PER2: variants seen among roughly 807,000 people sequenced by gnomAD.
PER2 encodes the protein period circadian protein homolog 2.
A neutral mutation model predicts 121.0 loss-of-function variants in PER2; 66 were observed. The observed-to-expected ratio is 0.55, with a 90% confidence interval of 0.45 to 0.67. PER2 has a LOEUF of 0.67. Among genes scored for constraint, PER2 ranks in the 30% least tolerant of loss-of-function variants. The pLI is 0.00. For missense variants in PER2, 1,521 were observed against 1,635.0 expected, an observed-to-expected ratio of 0.93 and a Z score of 1.20; for synonymous variants, 684 against 659.9, an observed-to-expected ratio of 1.04 and a Z score of -0.56.
At chr2:238,275,093 A>C (rs1171252747) in intron 4 of PER2, among the ~76,000 whole-genome samples, 1 of 152,256 alleles carries the variant, frequency 6.6e-6, no homozygotes, top group Non-Finnish European at 1.5e-5. Flanking sequence ...CTTTGAAACG[A>C]CTGATAATAG....
At chr2:238,248,864 C>CTTT in intron 22 of PER2, 198 bp downstream of exon 22, 1 of 638,942 alleles carries the variant, frequency 1.6e-6, no homozygotes, top group Non-Finnish European at 2.9e-6. Context: ...ACCGTGTTTG[C>CTTT]CAGGATGGTC....
chr2:238,275,908 C>T lies in PER2; in HGVS notation c.294-11G>A. 6.2e-7 allele frequency: 1 copy of T among 1,614,218 alleles called. No individual in the cohort carries two copies. The highest frequency in any genetic ancestry group is 8.5e-7 in the Non-Finnish European group (1 of 1,180,026). On this transcript the variant is annotated splice_polypyrimidine_tract_variant and intron_variant, in intron 3 of 22. Transcript: ENST00000254657. ...GAAGACTGGTCGCTACTGCAGGATTCAAGAAAGAGGCAGCCAAATGTTAGC... is the reference window on the plus strand; with the variant it reads ...GAAGACTGGTCGCTACTGCAGGATTTAAGAAAGAGGCAGCCAAATGTTAGC...
At position 238,259,977 on chromosome 2, in the gene PER2, G is replaced by C. The variant is rs1695877803; in HGVS notation, c.1619C>G (p.Ser540Cys). The change falls in exon 14 of 23, where the codon TCC (serine) becomes TGC (cysteine). Residue 540 changes from serine (S) to cysteine (C), a missense_variant. Coordinates refer to ENST00000254657, the MANE Select transcript of PER2 (RefSeq NM_022817.3). ...SHESGEQKKKSVTEMQTNPPA... is the reference protein window; with the variant it reads ...SHESGEQKKKCVTEMQTNPPA... ...AATATTTTTTTTTTTACCTGTAACG[G>C]ATTTTTTCTTTTGTTCTCCAGATTC... The C allele has an allele frequency of 7.0e-7, 1 of 1,419,516 alleles. No homozygotes were observed. The highest frequency in any genetic ancestry group is 1.7e-5 in the Admixed American group (1 of 57,620). The allele number at this position is 1,419,516 out of a possible 1,614,324, so 87.9% of individuals were successfully genotyped here. A position where few individuals can be genotyped will look rare whatever the true frequency, so the allele number is the denominator to read the frequency against.
Position 238,249,002 on chromosome 2 carries a change from G to A in PER2, c.3618+60C>T, listed in dbSNP as rs769158022. ...ACAGAAAAGTTGCAAAGACAGTACA[G>A]AGAATCCCCATCACAGAGCCTTTTA... On this transcript the variant is annotated intron_variant, in intron 22 of 22. Coordinates refer to ENST00000254657, the MANE Select transcript of PER2 (RefSeq NM_022817.3). The A allele has an allele frequency of 1.6e-5, 24 of 1,546,130 alleles. 1 individual carries two copies. The South Asian group carries it at 2.3e-4, about 15-fold the overall frequency.
At chr2:238,279,723 G>A (rs1174640239) in intron 1 of PER2, among the ~76,000 whole-genome samples, 2 of 152,208 alleles carry the variant, frequency 1.3e-5, no homozygotes, top group Admixed American at 6.5e-5. Flanking sequence ...CTTCCCACCA[G>A]TACCCACGTG....
the PER2 span, among the ~76,000 whole-genome samples, chr2:238,297,965 G>A: frequency 6.6e-6 from 1 of 151,780 alleles, no homozygotes; most frequent in Non-Finnish European, 1.5e-5. Context: ...GCCTCACCTT[G>A]CCTTTTCTTC....
rs751770732 is a variant in PER2, at chr2:238,246,203, CCA to C, written c.*170_*171del. ...TTTCTTTCCGAACTCTCCCCACTCT[CCA>C]CAGTTTTAAGTCGCCCCTTCAGAAA... On this transcript the variant is annotated 3_prime_UTR_variant, in exon 23 of 23. Coordinates refer to ENST00000254657, the MANE Select transcript of PER2 (RefSeq NM_022817.3). The C allele has an allele frequency of 8.3e-4, 371 of 445,642 alleles. 1 individual carries two copies. Among genetic ancestry groups the C allele is most frequent in the Middle Eastern group, 2.4e-3 (4 of 1,684 alleles). The allele number at this position is 445,642 out of a possible 1,614,324, so 27.6% of individuals were successfully genotyped here. A position where few individuals can be genotyped will look rare whatever the true frequency, so the allele number is the denominator to read the frequency against.
Position 238,277,961 on chromosome 2 carries a change from A to T in PER2, c.-19-6T>A. 1 of 1,610,524 alleles carries T rather than the reference A, an allele frequency of 6.2e-7. No individual in the cohort carries two copies. Among genetic ancestry groups the T allele is most frequent in the Non-Finnish European group, 8.5e-7 (1 of 1,178,996 alleles). On this transcript the variant is annotated splice_polypyrimidine_tract_variant and splice_region_variant and intron_variant, in intron 1 of 22. Coordinates refer to ENST00000254657, the MANE Select transcript of PER2 (RefSeq NM_022817.3). The stretch of plus-strand genomic sequence containing the variant: ...TGCTGGGCTCTGGAACGAAGCTGGC[A>T]AACAGAGGGATGCTGTCACGCATTA...
chr2:238,274,345 G>A (rs749772342), intron 4 of PER2, among the ~76,000 whole-genome samples: 2 of 152,226 alleles, frequency 1.3e-5, no homozygotes, highest in Non-Finnish European at 2.9e-5. Flanking sequence ...CTGGGGCTGC[G>A]TTACGAGTCT....
chr2:238,265,414 A>C, intron 9 of PER2, 98 bp downstream of exon 9: 1 of 771,606 alleles, frequency 1.3e-6, no homozygotes, highest in South Asian at 1.5e-5. Context: ...GTTTTTGTCC[A>C]TTATCATGTA....
At chr2:238,283,684 A>T (rs1696696795) in intron 1 of PER2, among the ~76,000 whole-genome samples, 1 of 152,210 alleles carries the variant, frequency 6.6e-6, no homozygotes, top group Non-Finnish European at 1.5e-5. Flanking sequence ...GATCTCACTT[A>T]CACTTCAATG....
At chr2:238,251,909 C>T (rs1025788905) in intron 19 of PER2, 148 bp from the exon 20 acceptor site, 19 of 731,904 alleles carry the variant, frequency 2.6e-5, no homozygotes, top group Middle Eastern at 7.1e-4. Flanking sequence ...GACGGCCTAA[C>T]GAGCAGACCA....
intron 1 of PER2, 137 bp from the exon 2 acceptor site, chr2:238,278,092 C>CTG (rs1292741000): frequency 4.9e-5 from 47 of 968,736 alleles, no homozygotes; most frequent in South Asian, 1.7e-4. Flanking sequence ...CTCTGTCTCT[C>CTG]TCTCTCTCTC....
intron 1 of PER2, among the ~76,000 whole-genome samples, chr2:238,284,309 G>A (rs1038281716): frequency 6.6e-6 from 1 of 152,024 alleles, no homozygotes; most frequent in African/African-American, 2.4e-5. Flanking sequence ...AGGCGTCATG[G>A]TGTGTGCCTG....
At chr2:238,275,657 G>C in intron 4 of PER2, 86 bp downstream of exon 4, 2 of 1,454,222 alleles carry the variant, frequency 1.4e-6, no homozygotes, top group Non-Finnish European at 1.9e-6. Context: ...TCGAGTTTTA[G>C]AAAGTCAACA....
intron 6 of PER2, 82 bp downstream of exon 6, chr2:238,271,230 C>T: frequency 7.9e-7 from 1 of 1,258,490 alleles, no homozygotes; most frequent in Non-Finnish European, 1.2e-6. Flanking sequence ...GGCAGGGCGC[C>T]TGCACCACAT....
chr2:238,244,208 G>A lies in PER2; in HGVS notation c.*2167C>T, dbSNP rs1206684759. 4 of 152,502 alleles carry A rather than the reference G, an allele frequency of 2.6e-5. No individual in the cohort carries two copies. Among genetic ancestry groups the A allele is most frequent in the Admixed American group, 1.3e-4 (2 of 15,270 alleles). The allele number at this position is 152,502 out of a possible 1,614,324, so 9.4% of individuals were successfully genotyped here. A position where few individuals can be genotyped will look rare whatever the true frequency, so the allele number is the denominator to read the frequency against. On this transcript the variant is annotated 3_prime_UTR_variant, in exon 23 of 23. Transcript: ENST00000254657. ...CAACAAATCATCACAGAAACTCTGA[G>A]AGCTTATTTACATATCTCTTCGGGA... is the stretch of plus-strand genomic sequence containing the variant.
Position 238,273,109 on chromosome 2 carries a change from C to T in PER2, c.531G>A (p.Glu177=), listed in dbSNP as rs1382339071. ...GADVPSYTVE[E]MESVTSEHIV... is the part of the protein sequence containing the mutation. ...TGTGCTCAGAGGTAACGCTCTCCAT[C>T]TCCTCCACGGTGTAGGAGGGCACGT... Residue 177 remains glutamate (E), a synonymous_variant, in exon 5 of 23, where the codon GAG becomes GAA. Coordinates refer to ENST00000254657, the MANE Select transcript of PER2 (RefSeq NM_022817.3). 1 of 1,613,430 alleles carries T rather than the reference C, an allele frequency of 6.2e-7. No individual in the cohort carries two copies. Among genetic ancestry groups the T allele is most frequent in the South Asian group, 1.1e-5 (1 of 91,078 alleles).
In PER2 at chr2:238,251,649, T is replaced by C; in HGVS notation, c.3224A>G (p.Glu1075Gly). Residue 1075 changes from glutamate to glycine, a missense_variant, in exon 20 of 23, where the codon GAG becomes GGG. Coordinates refer to ENST00000254657, the MANE Select transcript of PER2 (RefSeq NM_022817.3). ...GCCCAGTGAGCCGGAGCCCAGAGAC[T>C]CCGAAGCAGCAGAGCCCGAGGCTGA... ...LCSASGSAASESLGSGSLGCD... is the reference protein window; with the variant it reads ...LCSASGSAASGSLGSGSLGCD... The C allele has an allele frequency of 3.7e-6, 6 of 1,614,008 alleles. No individual in the cohort carries two copies. The highest frequency in any genetic ancestry group is 5.1e-6 in the Non-Finnish European group (6 of 1,179,966).
Sources: gnomAD v4.1 joint callset for allele counts (sites outside exome capture counted in the v4.1 genomes callset) on GRCh38, gnomAD v4.1.1 for gene constraint, MANE v1.5 for transcripts, NCBI Gene and HGNC (gene_info 2026-07-23, HGNC 2026-07-21) for gene names.